ATP11C: variants seen among roughly 807,000 people sequenced by gnomAD.
The protein encoded by ATP11C is ATPase phospholipid transporting 11C (ATP11C blood group), also known as phospholipid-transporting ATPase IG.
In ATP11C, 36 loss-of-function variants were observed where a neutral mutation model predicts 97.4. The observed-to-expected ratio is 0.37, with a 90% CI of 0.28 to 0.49. The LOEUF (loss-of-function observed/expected upper bound fraction) is 0.49. Among genes scored for constraint, ATP11C ranks in the 20% least tolerant of loss-of-function variants. ATP11C has a pLI of 0.98. For synonymous variants in ATP11C, 275 were observed against 290.9 expected (o/e 0.95, Z 0.56); for missense variants, 730 against 824.6 (o/e 0.89, Z 1.40).
chrX:139,815,730 G>A lies in ATP11C; in HGVS notation c.319-745C>T, dbSNP rs147804194. Reference sequence around the variant, plus strand: ...TTTTTATATACCTTTGTCTTTTTTCGTTGTAAGAATGTCTGTACCTTTTCA... The same window carrying A: ...TTTTTATATACCTTTGTCTTTTTTCATTGTAAGAATGTCTGTACCTTTTCA... On this transcript the variant is annotated intron_variant, in intron 4 of 29. Transcript: ENST00000682941. 9.9e-3 allele frequency among the ~76,000 whole-genome samples: 1,094 copies of A among 110,401 alleles called. 8 individuals carry two copies. The highest frequency in any genetic ancestry group is 0.025 in the African/African-American group (761 of 30,459).
At chrX:139,880,307 T>C (rs2084541712) in intron 1 of ATP11C, among the ~76,000 whole-genome samples, 1 of 111,016 alleles carries the variant, frequency 9.0e-6, no homozygotes, top group Non-Finnish European at 1.9e-5. Flanking sequence ...AGATAGAGAG[T>C]GATTTCAGAT....
intron 1 of ATP11C, among the ~76,000 whole-genome samples, chrX:139,855,212 C>G (rs779601435): frequency 7.2e-5 from 8 of 111,600 alleles, no homozygotes; most frequent in Non-Finnish European, 1.5e-4. Context: ...CAGGAAATTT[C>G]TCAGTAAGAA....
intron 1 of ATP11C, among the ~76,000 whole-genome samples, chrX:139,894,438 A>C (rs915324757): frequency 8.9e-6 from 1 of 112,080 alleles, no homozygotes; most frequent in Non-Finnish European, 1.9e-5. Context: ...AGCTACAAAA[A>C]TGGATCTCAT....
intron 23 of ATP11C, among the ~76,000 whole-genome samples, chrX:139,753,417 A>G (rs1309192485): frequency 8.9e-6 from 1 of 112,083 alleles, no homozygotes. Context: ...TTTCTTTAAA[A>G]CTAATGAAGA....
Position 139,745,382 on chromosome X carries a change from T to A in ATP11C, c.2964+340A>T, listed in dbSNP as rs767053012. On this transcript the variant is annotated intron_variant, in intron 25 of 29. Coordinates refer to ENST00000682941, the MANE Select transcript of ATP11C (RefSeq NM_001353812.2). ...ATGGAAGGCCACTATGAGTAAAAAC[T>A]GAATGCGGCCAGGCTTTACTTTAAA... Among the ~76,000 whole-genome samples the A allele has an allele frequency of 5.4e-5, 6 of 111,762 alleles. No homozygotes were observed. In the South Asian group the frequency reaches 2.3e-3, roughly 42 times the overall value.
chrX:139,796,928 C>CT (rs920467678), intron 11 of ATP11C, among the ~76,000 whole-genome samples: 39 of 108,825 alleles, frequency 3.6e-4, no homozygotes, highest in Non-Finnish European at 5.8e-4. Context: ...AAAAAAAACT[C>CT]TTTTTTTCTT....
chrX:139,737,706 G>GAACA lies in ATP11C; in HGVS notation c.3288+206_3288+209dup, dbSNP rs1215842113. On this transcript the variant is annotated intron_variant, in intron 28 of 29. Transcript: ENST00000682941. ...CATATGGATTGCCGAAGGTCACATA[G>GAACA]AACACTATTAAGGAATCTACTTACC... 13 of 486,055 alleles carry GAACA rather than the reference G, an allele frequency of 2.7e-5. No homozygotes were observed. In the Admixed American group the frequency reaches 3.6e-4, roughly 13 times the overall value. 40.1% of individuals were successfully genotyped at this position (486,055 alleles called of 1,213,427 possible).
chrX:139,818,888 C>G (rs2083344067), intron 3 of ATP11C, among the ~76,000 whole-genome samples: 1 of 112,102 alleles, frequency 8.9e-6, no homozygotes, highest in Non-Finnish European at 1.9e-5. Flanking sequence ...ATTGATCTAA[C>G]TAGGCTCTCA....
At position 139,727,773 on chromosome X, in the gene ATP11C, T is replaced by G. The variant is rs1603320449; in HGVS notation, c.*1193A>C. 3.6e-5 allele frequency: 4 copies of G among 112,277 alleles called. No individual in the cohort carries two copies. The South Asian group carries it at 1.5e-3, about 41-fold the overall frequency. 9.3% of individuals were successfully genotyped at this position (112,277 alleles called of 1,213,427 possible). On this transcript the variant is annotated 3_prime_UTR_variant, in exon 30 of 30. Coordinates refer to ENST00000682941, the MANE Select transcript of ATP11C (RefSeq NM_001353812.2). ...TTTCACATTTATGTTTCAAGTGAACTAATTAGAAGGCTAAACCTTCCTTCT... is the reference window on the plus strand; with the variant it reads ...TTTCACATTTATGTTTCAAGTGAACGAATTAGAAGGCTAAACCTTCCTTCT...
chrX:139,850,006 C>T (rs1353469852), intron 1 of ATP11C, among the ~76,000 whole-genome samples: 1 of 112,097 alleles, frequency 8.9e-6, no homozygotes, highest in South Asian at 3.7e-4. Context: ...CTTTGACTTC[C>T]TACCCTCCAG....
At chrX:139,763,482 T>C (rs1020237692) in intron 20 of ATP11C, 64 bp from the exon 21 acceptor site, 4 of 839,551 alleles carry the variant, frequency 4.8e-6, no homozygotes, top group Admixed American at 4.9e-5. Context: ...TGGGCTACTT[T>C]AGGGGTTTAT....
chrX:139,789,624 CAG>C, intron 12 of ATP11C, 136 bp from the exon 13 acceptor site: 1 of 439,905 alleles, frequency 2.3e-6, no homozygotes, highest in Non-Finnish European at 3.7e-6. Flanking sequence ...CAGGGAATTA[CAG>C]AGACAATATT....
chrX:139,883,195 C>T (rs952882037), intron 1 of ATP11C, among the ~76,000 whole-genome samples: 3 of 110,610 alleles, frequency 2.7e-5, no homozygotes, highest in African/African-American at 9.9e-5. Context: ...GTGTTTAACA[C>T]GAAGTAGCTC....
chrX:139,766,244 A>T (rs1349024048), intron 20 of ATP11C, among the ~76,000 whole-genome samples: 1 of 111,867 alleles, frequency 8.9e-6, no homozygotes, highest in East Asian at 2.8e-4. Context: ...CAGAAATAAA[A>T]CAGAATGAGG....
At chrX:139,815,677 T>C (rs1047385460) in intron 4 of ATP11C, among the ~76,000 whole-genome samples, 2 of 112,189 alleles carry the variant, frequency 1.8e-5, no homozygotes, top group Non-Finnish European at 3.8e-5. Context: ...AGGATGTTCA[T>C]GAATGTTTGA....
intron 24 of ATP11C, among the ~76,000 whole-genome samples, chrX:139,749,055 C>T (rs1335339353): frequency 9.0e-6 from 1 of 111,609 alleles, no homozygotes; most frequent in African/African-American, 3.3e-5. Context: ...ATAGAGCAGA[C>T]GGGGTTATCA....
At chrX:139,900,046 C>A (rs545653985) in intron 1 of ATP11C, among the ~76,000 whole-genome samples, 1 of 108,911 alleles carries the variant, frequency 9.2e-6, no homozygotes, top group South Asian at 3.7e-4. Context: ...AATCCTGGAG[C>A]CTGAACAGCC....
At chrX:139,778,383 C>T (rs2082389917) in intron 18 of ATP11C, among the ~76,000 whole-genome samples, 1 of 111,575 alleles carries the variant, frequency 9.0e-6, no homozygotes, top group Admixed American at 9.5e-5. Context: ...GTTAACAGAT[C>T]CTATAAAGCA....
intron 5 of ATP11C, among the ~76,000 whole-genome samples, chrX:139,805,266 T>C (rs1314043503): frequency 8.9e-6 from 1 of 111,821 alleles, no homozygotes; most frequent in African/African-American, 3.3e-5. Flanking sequence ...TCATGAATAA[T>C]TTAATAATGT....
Sources: gnomAD v4.1 joint callset for allele counts (sites outside exome capture counted in the v4.1 genomes callset) on GRCh38, gnomAD v4.1.1 for gene constraint, MANE v1.5 for transcripts, NCBI Gene and HGNC (gene_info 2026-07-23, HGNC 2026-07-21) for gene names.